Variants in SIK3 observed in about 807,000 individuals in gnomAD.
SIK3 encodes serine/threonine-protein kinase SIK3.
Under a neutral mutation model 144.2 loss-of-function variants are expected in SIK3, and 28 were observed. The observed-to-expected ratio is 0.19, with a 90% CI of 0.14 to 0.27. SIK3 has a LOEUF of 0.27. Among genes scored for constraint, SIK3 ranks in the 10% least tolerant of loss-of-function variants. The pLI is 1.00. For synonymous variants in SIK3, 686 were observed against 676.3 expected (o/e 1.01, Z -0.22); for missense variants, 1,319 against 1,776.0 (o/e 0.74, Z 4.62).
chr11:116,902,937 G>A (rs7943309), intron 4 of SIK3, among the ~76,000 whole-genome samples: 4,968 of 152,136 alleles, frequency 0.033, 109 homozygotes, highest in Non-Finnish European at 0.036. Flanking sequence ...ATAAATTGAC[G>A]GTTTCATTGA....
chr11:117,021,747 T>C (rs896669192), intron 1 of SIK3, among the ~76,000 whole-genome samples: 2 of 151,736 alleles, frequency 1.3e-5, no homozygotes, highest in African/African-American at 4.8e-5. Context: ...GAGAATCCCC[T>C]AGGAACTCGA....
Position 117,088,197 on chromosome 11 carries a change from A to G in SIK3, c.273+9946T>C, listed in dbSNP as rs1422955811. ...GGCTGCAGAGAGCCATGATCACATC[A>G]CTGCACTCCAGCCTTAGGTGACAAA... On this transcript the variant is annotated intron_variant, in intron 1 of 24. Coordinates refer to ENST00000445177, the MANE Select transcript of SIK3 (RefSeq NM_001366686.3). 7.2e-5 allele frequency among the ~76,000 whole-genome samples: 11 copies of G among 152,236 alleles called. No homozygotes were observed. In the East Asian group the frequency reaches 2.1e-3, roughly 29 times the overall value.
intron 1 of SIK3, among the ~76,000 whole-genome samples, chr11:117,013,959 C>CTTTT (rs1232857124): frequency 3.6e-4 from 3 of 8,250 alleles, no homozygotes; most frequent in Non-Finnish European, 5.9e-4. Flanking sequence ...TGTTTTATTT[C>CTTTT]TTTTTTTCTT....
chr11:116,944,426 G>A (rs1480234130), intron 3 of SIK3, among the ~76,000 whole-genome samples: 9 of 151,862 alleles, frequency 5.9e-5, no homozygotes, highest in African/African-American at 1.2e-4. Context: ...TTTGGGTCAC[G>A]AGCATCAGTT....
intron 1 of SIK3, among the ~76,000 whole-genome samples, chr11:117,080,602 G>C (rs1288973122): frequency 6.6e-6 from 1 of 152,112 alleles, no homozygotes; most frequent in Non-Finnish European, 1.5e-5. Context: ...ACTAGCACAA[G>C]TGTGCAAATA....
At chr11:116,963,429 T>C (rs1949417462) in intron 1 of SIK3, among the ~76,000 whole-genome samples, 1 of 152,182 alleles carries the variant, frequency 6.6e-6, no homozygotes, top group Admixed American at 6.5e-5. Flanking sequence ...AAGACAAAAA[T>C]TTAAAAGACA....
chr11:117,074,481 G>A (rs1156965829), intron 1 of SIK3, among the ~76,000 whole-genome samples: 1 of 152,042 alleles, frequency 6.6e-6, no homozygotes, highest in Non-Finnish European at 1.5e-5. Flanking sequence ...TTACAGGAAG[G>A]CTCAAATAGA....
intron 1 of SIK3, among the ~76,000 whole-genome samples, chr11:116,973,371 G>A (rs1038982758): frequency 6.6e-6 from 1 of 152,200 alleles, no homozygotes; most frequent in African/African-American, 2.4e-5. Flanking sequence ...TTTCAAGCAA[G>A]AGTTCAAGCA....
chr11:116,924,946 T>C (rs1382485716), intron 4 of SIK3, among the ~76,000 whole-genome samples: 1 of 152,160 alleles, frequency 6.6e-6, no homozygotes, highest in East Asian at 1.9e-4. Context: ...CTTGTGAATG[T>C]GTTACCATAC....
intron 1 of SIK3, among the ~76,000 whole-genome samples, chr11:117,006,203 A>T (rs1324253961): frequency 1.3e-5 from 2 of 152,200 alleles, no homozygotes; most frequent in East Asian, 3.8e-4. Flanking sequence ...TCTAAAATGG[A>T]ATATCACAAA....
chr11:116,994,015 A>G lies in SIK3; in HGVS notation c.274-36951T>C, dbSNP rs183065911. 2.9e-3 allele frequency among the ~76,000 whole-genome samples: 436 copies of G among 152,366 alleles called. 2 individuals carry two copies. Among genetic ancestry groups the G allele is most frequent in the Middle Eastern group, 6.8e-3 (2 of 294 alleles). ...TTGTTGGCTTAGCATTTAAACAGGT[A>G]TAAACAGTATATTTAAACAAGTATA... On this transcript the variant is annotated intron_variant, in intron 1 of 24. Coordinates refer to ENST00000445177, the MANE Select transcript of SIK3 (RefSeq NM_001366686.3).
At chr11:117,072,773 T>C (rs1033952424) in intron 1 of SIK3, among the ~76,000 whole-genome samples, 1 of 152,190 alleles carries the variant, frequency 6.6e-6, no homozygotes, top group East Asian at 1.9e-4. Flanking sequence ...AGTTTCCAAG[T>C]GATTATTTAA....
chr11:117,020,329 C>CA (rs1951721362), intron 1 of SIK3, among the ~76,000 whole-genome samples: 1 of 148,170 alleles, frequency 6.7e-6, no homozygotes, highest in Non-Finnish European at 1.5e-5. Context: ...GGTTAAAATA[C>CA]TGTATTCGGC....
intron 1 of SIK3, among the ~76,000 whole-genome samples, chr11:116,979,843 T>C (rs1035208626): frequency 4.6e-5 from 7 of 151,728 alleles, no homozygotes; most frequent in Middle Eastern, 3.4e-3. Flanking sequence ...CAAGACTCCA[T>C]CTCCAACAAA....
chr11:116,858,816 A>G lies in SIK3; in HGVS notation c.2766-117T>C. On this transcript the variant is annotated intron_variant, in intron 20 of 24. Coordinates refer to ENST00000445177, the MANE Select transcript of SIK3 (RefSeq NM_001366686.3). The surrounding 1 kb of genome is among the most constrained non-coding windows in gnomAD (Gnocchi z 5.4). The stretch of plus-strand genomic sequence containing the variant: ...GGTACAGAGAACTGTGGTGTGACAG[A>G]GAAGTGGCAGATGTATGCATTGTCC... 3 of 1,422,166 alleles carry G rather than the reference A, an allele frequency of 2.1e-6. No homozygotes were observed. The highest frequency in any genetic ancestry group is 2.8e-6 in the Non-Finnish European group (3 of 1,069,146). The allele number at this position is 1,422,166 out of a possible 1,614,324, so 88.1% of individuals were successfully genotyped here.
chr11:116,900,653 C>T (rs1022729184), intron 4 of SIK3, among the ~76,000 whole-genome samples: 1 of 152,130 alleles, frequency 6.6e-6, no homozygotes, highest in African/African-American at 2.4e-5. Flanking sequence ...GCTATTTCCT[C>T]TCTGTACCAT....
At chr11:117,036,346 G>A (rs1441188920) in intron 1 of SIK3, among the ~76,000 whole-genome samples, 1 of 152,144 alleles carries the variant, frequency 6.6e-6, no homozygotes, top group Non-Finnish European at 1.5e-5. Flanking sequence ...CAAAGGTTTG[G>A]AAGACCCATT....
At chr11:116,877,940 C>A (rs1248359744) in intron 6 of SIK3, among the ~76,000 whole-genome samples, 1 of 152,172 alleles carries the variant, frequency 6.6e-6, no homozygotes, top group Non-Finnish European at 1.5e-5. Flanking sequence ...AATGTACTAT[C>A]ATTGTTCCCA....
intron 6 of SIK3, among the ~76,000 whole-genome samples, chr11:116,889,313 C>CA (rs562399974): frequency 8.5e-5 from 13 of 152,300 alleles, no homozygotes; most frequent in East Asian, 3.9e-4. Context: ...CCCATAATCC[C>CA]AGCACTCTGG....
Sources: gnomAD v4.1 joint callset for allele counts (sites outside exome capture counted in the v4.1 genomes callset) on GRCh38, gnomAD v4.1.1 for gene constraint, Gnocchi (gnomAD v3.1) non-coding constraint, MANE v1.5 for transcripts, NCBI Gene and HGNC (gene_info 2026-07-23, HGNC 2026-07-21) for gene names.